MYO6: variants seen among roughly 807,000 people sequenced by gnomAD.
MYO6 encodes myosin VI, also known as unconventional myosin-VI.
Under a neutral mutation model 178.7 loss-of-function variants are expected in MYO6, and 74 were observed. The observed-to-expected ratio is 0.41, with a 90% CI of 0.34 to 0.50. The LOEUF is 0.50. Among genes scored for constraint, MYO6 ranks in the 20% least tolerant of loss-of-function variants. The pLI is 0.09. For synonymous variants in MYO6, 477 were observed against 504.6 expected (o/e 0.95, Z 0.73); for missense variants, 1,330 against 1,547.4 (o/e 0.86, Z 2.36).
intron 1 of MYO6, among the ~76,000 whole-genome samples, chr6:75,805,808 G>A (rs922027698): frequency 7.2e-5 from 11 of 151,926 alleles, no homozygotes; most frequent in Admixed American, 4.6e-4. Flanking sequence ...TTTTCTTTTA[G>A]TATTTGTGCA....
intron 2 of MYO6, among the ~76,000 whole-genome samples, chr6:75,822,216 G>C (rs185412383): frequency 1.3e-5 from 2 of 151,868 alleles, no homozygotes; most frequent in Non-Finnish European, 2.9e-5. Context: ...TCCTGCCTCA[G>C]CCTCCCCAGT....
intron 10 of MYO6, among the ~76,000 whole-genome samples, chr6:75,847,764 A>G (rs534105318): frequency 6.6e-6 from 1 of 152,192 alleles, no homozygotes; most frequent in South Asian, 2.1e-4. Flanking sequence ...CTACAACTTA[A>G]TATTGGTGCA....
chr6:75,844,868 T>A lies in MYO6; in HGVS notation c.817-29T>A, dbSNP rs370999531. 42 of 1,531,126 alleles carry A rather than the reference T, an allele frequency of 2.7e-5. No homozygotes were observed. In the African/African-American group the frequency reaches 4.4e-4, roughly 16 times the overall value. The allele number at this position is 1,531,126 out of a possible 1,614,324, so 94.8% of individuals were successfully genotyped here. A position where few individuals can be genotyped will look rare whatever the true frequency, so the allele number is the denominator to read the frequency against. ...ATTATTTCCCTGTGGATCATATATG[T>A]TAATTATGTTTAATTTGTTTTGTCA... On this transcript the variant is annotated intron_variant, in intron 9 of 34. Coordinates refer to ENST00000369977, the MANE Select transcript of MYO6 (RefSeq NM_004999.4).
chr6:75,866,845 A>C (rs886515680), intron 17 of MYO6, 87 bp from the exon 18 acceptor site: 1 of 1,420,254 alleles, frequency 7.0e-7, no homozygotes, highest in Admixed American at 1.7e-5. Context: ...CATTTCTGTC[A>C]TCACAGAAAG....
intron 3 of MYO6, 149 bp from the exon 4 acceptor site, chr6:75,828,391 C>T: frequency 1.7e-6 from 1 of 591,578 alleles, no homozygotes; most frequent in Non-Finnish European, 3.1e-6. Context: ...CTAGGGTTTA[C>T]ATCAGCCAGG....
rs779365282 is a variant in MYO6, at chr6:75,841,337, A to T, written c.775A>T (p.Ile259Phe). The change falls in exon 9 of 35, where the codon ATT becomes TTT. Residue 259 changes from isoleucine to phenylalanine, a missense_variant. Around this residue, in one of 3 missense-constraint regions of MYO6, gnomAD observed 613 missense variants for 816.8 expected, o/e 0.75. Coordinates refer to ENST00000369977, the MANE Select transcript of MYO6 (RefSeq NM_004999.4). ...YRLCAGASED[I>F]REKLHLSSPD... Reference sequence around the variant, plus strand: ...GTTGTGTGCTGGTGCTTCTGAAGATATTAGAGAAAAACTTCATTTGAGTTC... The same window carrying T: ...GTTGTGTGCTGGTGCTTCTGAAGATTTTAGAGAAAAACTTCATTTGAGTTC... The T allele has an allele frequency of 1.9e-6, 3 of 1,613,986 alleles. No homozygotes were observed. Among genetic ancestry groups the T allele is most frequent in the Non-Finnish European group, 8.5e-7 (1 of 1,180,006 alleles).
intron 1 of MYO6, among the ~76,000 whole-genome samples, chr6:75,767,296 G>A (rs1778509961): frequency 6.6e-6 from 1 of 152,002 alleles, no homozygotes; most frequent in Non-Finnish European, 1.5e-5. Flanking sequence ...AGAGTGTTGG[G>A]ATTACAGCCG....
intron 1 of MYO6, among the ~76,000 whole-genome samples, chr6:75,804,715 A>G (rs537195715): frequency 6.6e-6 from 1 of 152,132 alleles, no homozygotes; most frequent in Admixed American, 6.6e-5. Flanking sequence ...TAACAGAATA[A>G]ATGACTCCGT....
intron 24 of MYO6, 135 bp from the exon 25 acceptor site, chr6:75,886,709 A>G: frequency 2.3e-6 from 2 of 852,210 alleles, no homozygotes; most frequent in East Asian, 2.6e-5. Context: ...GCCTTCAACA[A>G]GAGATCTGAA....
rs1338244818 is a variant in MYO6, at chr6:75,907,703, C to A, written c.3275C>A (p.Ser1092Tyr). 1 of 1,604,632 alleles carries A rather than the reference C, an allele frequency of 6.2e-7. No homozygotes were observed. The highest frequency in any genetic ancestry group is 8.5e-7 in the Non-Finnish European group (1 of 1,172,480). Residue 1092 changes from serine (S) to tyrosine (Y), a missense_variant, in exon 31 of 35, where the codon TCT becomes TAT. This residue lies in a region of MYO6 where 601 missense variants were observed against 626.1 expected (regional missense o/e 0.96). Coordinates refer to ENST00000369977, the MANE Select transcript of MYO6 (RefSeq NM_004999.4). ...GAACTACGTGATACCATCAATACTT[C>A]TTGTGGTAAGTGTTTGGAGAAGATC... Reference protein sequence around the residue: ...YAELRDTINTSCDIELLAACR... With the variant: ...YAELRDTINTYCDIELLAACR...
chr6:75,875,237 T>A (rs1050436205), intron 20 of MYO6, among the ~76,000 whole-genome samples: 2 of 152,236 alleles, frequency 1.3e-5, no homozygotes, highest in African/African-American at 4.8e-5. Context: ...TGGCTAAGAA[T>A]GAGTGAGTTA....
chr6:75,751,178 T>A (rs188630833), intron 1 of MYO6, among the ~76,000 whole-genome samples: 47 of 152,368 alleles, frequency 3.1e-4, no homozygotes, highest in African/African-American at 1.1e-3. Flanking sequence ...CACAGACTTT[T>A]ATATATACAG....
chr6:75,822,664 T>C (rs1772012940), intron 2 of MYO6, 118 bp from the exon 3 acceptor site: 1 of 745,598 alleles, frequency 1.3e-6, no homozygotes, highest in South Asian at 1.4e-5. Context: ...ATCTGTATTA[T>C]ATTTTAATAA....
chr6:75,768,583 T>C (rs1019156760), intron 1 of MYO6, among the ~76,000 whole-genome samples: 13 of 151,924 alleles, frequency 8.6e-5, no homozygotes, highest in Non-Finnish European at 1.8e-4. Context: ...GGTTTCACCA[T>C]GTTGGCCAGG....
At chr6:75,879,765 A>G in intron 20 of MYO6, 55 bp from the exon 21 acceptor site, 1 of 1,613,742 alleles carries the variant, frequency 6.2e-7, no homozygotes, top group South Asian at 1.1e-5. Flanking sequence ...TTCACAAATT[A>G]TTTTGGACTT....
At chr6:75,757,359 CTGTGTGTGTG>C (rs372864392) in intron 1 of MYO6, among the ~76,000 whole-genome samples, 2 of 145,906 alleles carry the variant, frequency 1.4e-5, no homozygotes, top group Admixed American at 1.4e-4. Flanking sequence ...CATCAGAAGT[CTGTGTGTGTG>C]TGTGTATATA....
At chr6:75,869,928 A>G (rs1376768229) in intron 18 of MYO6, among the ~76,000 whole-genome samples, 1 of 152,044 alleles carries the variant, frequency 6.6e-6, no homozygotes, top group Non-Finnish European at 1.5e-5. Flanking sequence ...CCTGGCTAAC[A>G]TGGTAAAACC....
chr6:75,820,164 T>C lies in MYO6; in HGVS notation c.117+2500T>C, dbSNP rs187133994. Among the ~76,000 whole-genome samples, 26 of 152,188 alleles carry C rather than the reference T, an allele frequency of 1.7e-4. No homozygotes were observed. The East Asian group carries it at 4.2e-3, about 25-fold the overall frequency. On this transcript the variant is annotated intron_variant, in intron 2 of 34. Coordinates refer to ENST00000369977, the MANE Select transcript of MYO6 (RefSeq NM_004999.4). ...GCCCTAAATTTATGGCATAGAAGGG[T>C]CTGCATTTTCTTTTCCCTGTCTGCT...
chr6:75,876,466 A>C (rs76572235), intron 20 of MYO6, among the ~76,000 whole-genome samples: 1 of 152,172 alleles, frequency 6.6e-6, no homozygotes, highest in African/African-American at 2.4e-5. Flanking sequence ...TAAGTAATTC[A>C]TGTCTGTTGT....
Sources: allele counts gnomAD v4.1 joint callset (sites outside exome capture counted in the v4.1 genomes callset), GRCh38; gene constraint gnomAD v4.1.1; regional missense constraint gnomAD v4.1.1; transcripts MANE v1.5; gene names NCBI Gene and HGNC (gene_info 2026-07-23, HGNC 2026-07-21).